RGL1: variants seen among roughly 807,000 people sequenced by gnomAD.
The protein encoded by RGL1 is ral guanine nucleotide dissociation stimulator-like 1.
A neutral mutation model predicts 95.2 loss-of-function variants in RGL1; 24 were observed. That is an observed-to-expected ratio of 0.25 (90% confidence interval 0.18 to 0.35). RGL1 has a LOEUF of 0.35. Ranked by LOEUF, RGL1 falls within the 10% of genes least tolerant of loss-of-function variation. The probability of loss-of-function intolerance (pLI) is 1.00; values close to 1 mark genes in which losing one functional copy is unlikely to be tolerated. For missense variants in RGL1, 715 were observed against 936.3 expected, an observed-to-expected ratio of 0.76 and a Z score of 3.08; for synonymous variants, 329 against 344.9, an observed-to-expected ratio of 0.95 and a Z score of 0.51.
intron 1 of RGL1, among the ~76,000 whole-genome samples, chr1:183,664,228 A>ATAAAG (rs1426998247): frequency 2.0e-5 from 3 of 151,780 alleles, no homozygotes; most frequent in African/African-American, 4.8e-5. Flanking sequence ...ATAAAATAAA[A>ATAAAG]TAAAAATAAA....
intron 3 of RGL1, among the ~76,000 whole-genome samples, chr1:183,849,331 C>T (rs1299402162): frequency 6.6e-6 from 1 of 152,048 alleles, no homozygotes; most frequent in Non-Finnish European, 1.5e-5. Flanking sequence ...AGGCTTAGAA[C>T]AGTGGCTGGC....
chr1:183,868,475 G>A (rs1015173512), intron 4 of RGL1, among the ~76,000 whole-genome samples: 7 of 152,132 alleles, frequency 4.6e-5, no homozygotes, highest in African/African-American at 1.7e-4. Context: ...TCTCCTGGGT[G>A]GGAGCTTGTG....
chr1:183,808,523 GAA>G (rs56849666), intron 2 of RGL1, among the ~76,000 whole-genome samples: 5,076 of 152,190 alleles, frequency 0.033, 243 homozygotes, highest in African/African-American at 0.11. Context: ...TTTTGTCCTT[GAA>G]AATTCCAGAC....
At chr1:183,715,505 C>A (rs1655558303) in intron 1 of RGL1, among the ~76,000 whole-genome samples, 1 of 151,990 alleles carries the variant, frequency 6.6e-6, no homozygotes, top group South Asian at 2.1e-4. Context: ...TAGGTGTAAG[C>A]CTTGTTTCTC....
At chr1:183,716,401 C>T (rs1655627748) in intron 1 of RGL1, among the ~76,000 whole-genome samples, 1 of 152,148 alleles carries the variant, frequency 6.6e-6, no homozygotes, top group Non-Finnish European at 1.5e-5. Flanking sequence ...ATCAAGTTAC[C>T]AGGTCAGCAG....
chr1:183,914,352 C>T (rs1438058870), intron 15 of RGL1, among the ~76,000 whole-genome samples: 1 of 152,178 alleles, frequency 6.6e-6, no homozygotes, highest in East Asian at 1.9e-4. Context: ...AGTCATGGCT[C>T]TTTATTCTTT....
intron 2 of RGL1, among the ~76,000 whole-genome samples, chr1:183,768,268 C>T (rs1013458645): frequency 6.6e-5 from 10 of 151,718 alleles, no homozygotes; most frequent in African/African-American, 2.4e-4. Context: ...TATTTTAGGA[C>T]AAAAATTTAC....
chr1:183,788,190 A>G (rs1660271886), intron 2 of RGL1, among the ~76,000 whole-genome samples: 1 of 152,200 alleles, frequency 6.6e-6, no homozygotes, highest in African/African-American at 2.4e-5. Flanking sequence ...GGCTTACATG[A>G]TCATGGAGGC....
chr1:183,726,588 C>T (rs1656324371), intron 1 of RGL1, among the ~76,000 whole-genome samples: 1 of 152,036 alleles, frequency 6.6e-6, no homozygotes, highest in South Asian at 2.1e-4. Flanking sequence ...CAACAGAAAA[C>T]CTGAATATCA....
chr1:183,900,598 G>A (rs960417546), intron 11 of RGL1, among the ~76,000 whole-genome samples: 2 of 152,046 alleles, frequency 1.3e-5, no homozygotes, highest in South Asian at 2.1e-4. Context: ...TCTGCCTCTC[G>A]GGTTCAAGCA....
intron 1 of RGL1, among the ~76,000 whole-genome samples, chr1:183,705,746 G>T (rs900188253): frequency 1.3e-5 from 2 of 152,194 alleles, no homozygotes; most frequent in African/African-American, 4.8e-5. Flanking sequence ...TAGGGGTATG[G>T]CTTGGTTAAT....
chr1:183,884,334 T>A (rs1666996545), intron 6 of RGL1, among the ~76,000 whole-genome samples: 1 of 152,204 alleles, frequency 6.6e-6, no homozygotes, highest in African/African-American at 2.4e-5. Context: ...GGCCCCTCAT[T>A]TCCACGTGTG....
intron 2 of RGL1, among the ~76,000 whole-genome samples, chr1:183,747,818 G>T (rs1490679872): frequency 1.3e-5 from 2 of 152,186 alleles, no homozygotes; most frequent in Admixed American, 6.5e-5. Flanking sequence ...GTCTCTGCCA[G>T]GTGTTGGTAT....
At chr1:183,835,511 C>A (rs1016599481) in intron 2 of RGL1, among the ~76,000 whole-genome samples, 5 of 152,162 alleles carry the variant, frequency 3.3e-5, no homozygotes, top group African/African-American at 1.2e-4. Flanking sequence ...TCCTTGAGCC[C>A]TTGGGTTAAG....
At position 183,745,869 on chromosome 1, in the gene RGL1, T is replaced by C. The variant is rs913646686; in HGVS notation, c.132+3580T>C. On this transcript the variant is annotated intron_variant, in intron 2 of 18. Transcript: ENST00000304685. ...AATTTGTTGACTGATTTGGAGAGTA[T>C]CAACATTTTTATATTCAATGGCTAT... Among the ~76,000 whole-genome samples the C allele has an allele frequency of 2.6e-5, 4 of 152,268 alleles. No homozygotes were observed. The East Asian group carries it at 7.7e-4, about 29-fold the overall frequency.
intron 15 of RGL1, among the ~76,000 whole-genome samples, chr1:183,913,094 C>T (rs1042951905): frequency 3.3e-5 from 5 of 151,198 alleles, no homozygotes; most frequent in Non-Finnish European, 7.4e-5. Flanking sequence ...AAAGAATTTC[C>T]GTCGAGTTTC....
chr1:183,782,395 A>G (rs1386486926), intron 2 of RGL1, among the ~76,000 whole-genome samples: 2 of 152,224 alleles, frequency 1.3e-5, no homozygotes, highest in Non-Finnish European at 2.9e-5. Context: ...AGCTCATTAC[A>G]TGGACAGGGA....
At chr1:183,736,515 C>T (rs140443775) in intron 1 of RGL1, among the ~76,000 whole-genome samples, 310 of 152,258 alleles carry the variant, frequency 2.0e-3, no homozygotes, top group Middle Eastern at 6.8e-3. Flanking sequence ...TTGCATTAGG[C>T]AATTCTGAAC....
intron 1 of RGL1, among the ~76,000 whole-genome samples, chr1:183,637,851 T>C (rs1461427130): frequency 2.6e-5 from 4 of 152,200 alleles, no homozygotes; most frequent in Non-Finnish European, 4.4e-5. Context: ...TACCAAAGTA[T>C]AAAATCATTA....
Sources: allele counts gnomAD v4.1 joint callset (sites outside exome capture counted in the v4.1 genomes callset), GRCh38; gene constraint gnomAD v4.1.1; transcripts MANE v1.5; gene names NCBI Gene and HGNC (gene_info 2026-07-23, HGNC 2026-07-21).